The following TPD52L1 variants were observed in gnomAD, a reference collection of about 807,000 sequenced individuals.
TPD52L1 encodes the protein TPD52 like 1.
In TPD52L1, 18 loss-of-function variants were observed where a neutral mutation model predicts 28.7. That is an observed-to-expected ratio of 0.63 (90% CI 0.43 to 0.93). The LOEUF is 0.93. TPD52L1 is among the 40% of genes least tolerant of loss of function. The pLI is 0.00. For missense variants in TPD52L1, 203 were observed against 254.8 expected (o/e 0.80, Z 1.39); for synonymous variants, 75 against 88.8 (o/e 0.84, Z 0.88).
chr6:125,180,165 CA>C (rs1177206980), intron 1 of TPD52L1, among the ~76,000 whole-genome samples: 3 of 152,146 alleles, frequency 2.0e-5, no homozygotes, highest in Non-Finnish European at 4.4e-5. Context: ...TGGGAGTCCT[CA>C]AATGTCTCAC....
At chr6:125,169,622 A>T (rs1791147114) in intron 1 of TPD52L1, among the ~76,000 whole-genome samples, 1 of 152,186 alleles carries the variant, frequency 6.6e-6, no homozygotes, top group African/African-American at 2.4e-5. Flanking sequence ...TTCAAGATGT[A>T]GCCAGAATGG....
chr6:125,227,802 G>A (rs768079596), intron 2 of TPD52L1, among the ~76,000 whole-genome samples: 17 of 152,230 alleles, frequency 1.1e-4, no homozygotes, highest in Non-Finnish European at 1.8e-4. Context: ...CAAAATCTGA[G>A]TACTTTACAG....
At chr6:125,258,762 C>A (rs529345845) in intron 6 of TPD52L1, among the ~76,000 whole-genome samples, 209 of 152,234 alleles carry the variant, frequency 1.4e-3, no homozygotes, top group African/African-American at 4.9e-3. Flanking sequence ...CTCCTTCAGA[C>A]ATGCACATAA....
intron 1 of TPD52L1, among the ~76,000 whole-genome samples, chr6:125,169,964 G>A (rs149133763): frequency 1.3e-5 from 2 of 152,006 alleles, no homozygotes; most frequent in Admixed American, 1.3e-4. Flanking sequence ...GAACCTTTGA[G>A]TTTATTAATC....
At position 125,183,117 on chromosome 6, in the gene TPD52L1, G is replaced by A. The variant is rs552127769; in HGVS notation, c.19+29147G>A. Among the ~76,000 whole-genome samples, 3 of 152,324 alleles carry A rather than the reference G, an allele frequency of 2.0e-5. No individual in the cohort carries two copies. In the South Asian group the frequency reaches 6.2e-4, roughly 32 times the overall value. On this transcript the variant is annotated intron_variant, in intron 1 of 6. Transcript: ENST00000534000. ...ACTGAAGCACCCAGAAGATTTCAGT[G>A]TGGCCAGCCTGGGACAGGGCTATGC...
chr6:125,171,012 C>T (rs1409733674), intron 1 of TPD52L1, among the ~76,000 whole-genome samples: 2 of 152,138 alleles, frequency 1.3e-5, no homozygotes, highest in African/African-American at 2.4e-5. Context: ...AAGAGATGAC[C>T]AAGGGCTGGC....
chr6:125,190,204 T>C (rs1406464403), intron 1 of TPD52L1, among the ~76,000 whole-genome samples: 3 of 152,220 alleles, frequency 2.0e-5, no homozygotes, highest in African/African-American at 7.2e-5. Flanking sequence ...ACTTTGTGAA[T>C]GGCAGGAATT....
At chr6:125,156,956 A>T (rs1790181079) in intron 1 of TPD52L1, among the ~76,000 whole-genome samples, 1 of 152,124 alleles carries the variant, frequency 6.6e-6, no homozygotes, top group Non-Finnish European at 1.5e-5. Context: ...ACTTTTTGTT[A>T]TTTATAAAGC....
At chr6:125,184,357 A>G (rs1326449625) in intron 1 of TPD52L1, among the ~76,000 whole-genome samples, 1 of 152,186 alleles carries the variant, frequency 6.6e-6, no homozygotes, top group Admixed American at 6.5e-5. Context: ...GAAAACTGGG[A>G]CCTCAGCCAC....
chr6:125,201,425 G>A (rs562491941), intron 1 of TPD52L1, among the ~76,000 whole-genome samples: 116 of 152,280 alleles, frequency 7.6e-4, no homozygotes, highest in Non-Finnish European at 1.5e-3. Context: ...GTGCCCTACT[G>A]ATGGACGTTT....
At chr6:125,235,917 G>A (rs1430629002) in intron 3 of TPD52L1, among the ~76,000 whole-genome samples, 3 of 152,116 alleles carry the variant, frequency 2.0e-5, no homozygotes, top group African/African-American at 7.2e-5. Context: ...CTAAGGAAGA[G>A]GTGTAAAAAT....
At chr6:125,157,924 A>C (rs1203443022) in intron 1 of TPD52L1, among the ~76,000 whole-genome samples, 4 of 152,176 alleles carry the variant, frequency 2.6e-5, no homozygotes, top group Non-Finnish European at 5.9e-5. Flanking sequence ...AGGTGTCGGC[A>C]GCGCTGTCCT....
chr6:125,172,141 TTTCTTTCTTTC>T (rs1356405754), intron 1 of TPD52L1, among the ~76,000 whole-genome samples: 106 of 78,200 alleles, frequency 1.4e-3, no homozygotes, highest in Non-Finnish European at 1.9e-3. Flanking sequence ...TCTTTCTTTC[TTTCTTTCTTTC>T]TTTCTTTTCT....
chr6:125,185,519 C>T (rs1243203287), intron 1 of TPD52L1, among the ~76,000 whole-genome samples: 2 of 151,956 alleles, frequency 1.3e-5, no homozygotes, highest in African/African-American at 2.4e-5. Flanking sequence ...TTAAGAAACA[C>T]ACTTGGGACA....
intron 1 of TPD52L1, among the ~76,000 whole-genome samples, chr6:125,184,517 C>T (rs914995930): frequency 6.6e-6 from 1 of 152,186 alleles, no homozygotes; most frequent in Non-Finnish European, 1.5e-5. Flanking sequence ...CAGCACTTTG[C>T]AGCAAAGGCA....
At chr6:125,244,520 G>A (rs991770186) in intron 3 of TPD52L1, among the ~76,000 whole-genome samples, 6 of 152,136 alleles carry the variant, frequency 3.9e-5, no homozygotes, top group South Asian at 2.1e-4. Context: ...CTGGCTATTC[G>A]GATAAGACAG....
At chr6:125,196,494 C>G (rs1480920900) in intron 1 of TPD52L1, among the ~76,000 whole-genome samples, 2 of 152,166 alleles carry the variant, frequency 1.3e-5, no homozygotes, top group Admixed American at 6.5e-5. Context: ...CAACGCAAGA[C>G]CAATGATCGC....
chr6:125,205,541 TG>T (rs1307570662), intron 1 of TPD52L1, among the ~76,000 whole-genome samples: 1 of 152,210 alleles, frequency 6.6e-6, no homozygotes, highest in African/African-American at 2.4e-5. Context: ...TTCTTGTCTC[TG>T]GAGGTGAATA....
At chr6:125,167,888 G>A (rs1791012435) in intron 1 of TPD52L1, among the ~76,000 whole-genome samples, 1 of 151,978 alleles carries the variant, frequency 6.6e-6, no homozygotes, top group African/African-American at 2.4e-5. Context: ...GGTGGGTTGA[G>A]TAACAGTAAA....
Sources: allele counts gnomAD v4.1 joint callset (sites outside exome capture counted in the v4.1 genomes callset), GRCh38; gene constraint gnomAD v4.1.1; transcripts MANE v1.5; gene names NCBI Gene and HGNC (gene_info 2026-07-23, HGNC 2026-07-21).